TRAFD1: variants seen among roughly 807,000 people sequenced by gnomAD.
The protein encoded by TRAFD1 is TRAF-type zinc finger domain-containing protein 1.
Under a neutral mutation model 65.3 loss-of-function variants are expected in TRAFD1, and 38 were observed. The ratio of observed to expected loss-of-function variants is 0.58; its 90% CI spans 0.45 to 0.76. TRAFD1 has a LOEUF of 0.76. Ranked by LOEUF, TRAFD1 falls within the 30% of genes least tolerant of loss-of-function variation. The pLI is 0.00. For synonymous variants in TRAFD1, 223 were observed against 257.2 expected, an observed-to-expected ratio of 0.87 and a Z score of 1.27; for missense variants, 631 against 712.6, an observed-to-expected ratio of 0.89 and a Z score of 1.30.
intron 4 of TRAFD1, among the ~76,000 whole-genome samples, chr12:112,136,741 A>G (rs1224699960): frequency 6.6e-6 from 1 of 152,158 alleles, no homozygotes. Flanking sequence ...ATAGGCCTCT[A>G]TGCCTGACTA....
Position 112,152,765 on chromosome 12 carries a change from G to C in TRAFD1, c.1723G>C (p.Asp575His). 5 of 1,614,228 alleles carry C rather than the reference G, an allele frequency of 3.1e-6. No individual in the cohort carries two copies. Among genetic ancestry groups the C allele is most frequent in the Non-Finnish European group, 4.2e-6 (5 of 1,180,048 alleles). The change falls in exon 12 of 12, where the codon GAT becomes CAT. Residue 575 changes from aspartate (D) to histidine (H), a missense_variant. By Grantham distance (81) the Asp-to-His change is moderately conservative. Transcript: ENST00000412615. The surrounding 1 kb of genome is among the most constrained non-coding windows in gnomAD (Gnocchi z 5.0). ...GCCTTCCAAGCAACAGGGAGCTGGG[G>C]ATGCAGAAGAGGAAGAGGAGGAGTA... ...AKPSKQQGAGDAEEEEEE is the reference protein window; with the variant it reads ...AKPSKQQGAGHAEEEEEE
chr12:112,126,670 T>C, intron 1 of TRAFD1, among the ~76,000 whole-genome samples: 1 of 152,180 alleles, frequency 6.6e-6, no homozygotes, highest in East Asian at 1.9e-4. Context: ...TTTTTTTTTT[T>C]TTGAGATGGA....
intron 6 of TRAFD1, among the ~76,000 whole-genome samples, chr12:112,144,431 C>T (rs1038545793): frequency 8.6e-5 from 13 of 152,030 alleles, no homozygotes; most frequent in African/African-American, 1.2e-4. Flanking sequence ...CCACCATGCC[C>T]GCCTAATTTT....
At chr12:112,135,169 C>T (rs2079591401) in intron 4 of TRAFD1, 103 bp downstream of exon 4, 1 of 1,313,028 alleles carries the variant, frequency 7.6e-7, no homozygotes. Context: ...TCTCCGTGAG[C>T]TCACATGCAT....
Position 112,149,832 on chromosome 12 carries a change from A to C in TRAFD1, c.1240A>C (p.Thr414Pro). The change falls in exon 9 of 12, where the codon ACC becomes CCC. Residue 414 changes from threonine (T) to proline (P), a missense_variant. Transcript: ENST00000412615. Reference protein sequence around the residue: ...IPRLDSQPQETSPELPRRRVR... With the variant: ...IPRLDSQPQEPSPELPRRRVR... ...TAGACTGGATTCCCAGCCTCAAGAG[A>C]CCTCACCAGAGCTGCCCAGGAGGCG... is the stretch of plus-strand genomic sequence containing the variant. 1.2e-6 allele frequency: 2 copies of C among 1,614,134 alleles called. No individual in the cohort carries two copies. Among genetic ancestry groups the C allele is most frequent in the Non-Finnish European group, 1.7e-6 (2 of 1,180,010 alleles).
rs1435124611 is a variant in TRAFD1, at chr12:112,148,236, G to A, written c.1090G>A (p.Glu364Lys). The change falls in exon 8 of 12, where the codon GAG (glutamate) becomes AAG (lysine). Residue 364 changes from glutamate (E) to lysine (K), a missense_variant. Coordinates refer to ENST00000412615, the MANE Select transcript of TRAFD1 (RefSeq NM_006700.3). The part of the protein sequence containing the change: ...MGLSNSHPVE[E>K]SIIIPCEFCG... ...CCTGAGCAATTCACACCCTGTGGAGGAGAGCATCATTATCCCATGTGAATT... is the reference window on the plus strand; with the variant it reads ...CCTGAGCAATTCACACCCTGTGGAGAAGAGCATCATTATCCCATGTGAATT... 1 of 1,614,196 alleles carries A rather than the reference G, an allele frequency of 6.2e-7. No homozygotes were observed. The highest frequency in any genetic ancestry group is 1.7e-5 in the Admixed American group (1 of 60,020).
At position 112,153,010 on chromosome 12, in the gene TRAFD1, C is replaced by T; in HGVS notation, c.*219C>T. On this transcript the variant is annotated 3_prime_UTR_variant, in exon 12 of 12. Coordinates refer to ENST00000412615, the MANE Select transcript of TRAFD1 (RefSeq NM_006700.3). ...CGGTTGAGGAACGCTTCAGCCTTAG[C>T]TGCTACCTTTCGGCAGCAGTGAAAT... 2 of 513,820 alleles carry T rather than the reference C, an allele frequency of 3.9e-6. No homozygotes were observed. The highest frequency in any genetic ancestry group is 5.9e-5 in the South Asian group (2 of 33,872). The allele number at this position is 513,820 out of a possible 1,614,324, so 31.8% of individuals were successfully genotyped here.
chr12:112,151,803 G>C lies in TRAFD1; in HGVS notation c.1282G>C (p.Asp428His). The stretch of plus-strand genomic sequence containing the variant: ...CTGTTACCATTTTCTCTTCTCAGGA[G>C]ACCTGTCTTCTGGTTACCTGGATGA... ...LPRRRVRHQG[D>H]LSSGYLDDTK... is the part of the protein sequence containing the mutation. The change falls in exon 10 of 12, where the codon GAC becomes CAC. Residue 428 changes from aspartate (D) to histidine (H), a missense_variant and splice_region_variant. By Grantham distance (81) the Asp-to-His change is moderately conservative. Transcript: ENST00000412615. 1 of 1,611,368 alleles carries C rather than the reference G, an allele frequency of 6.2e-7. No individual in the cohort carries two copies. The highest frequency in any genetic ancestry group is 8.5e-7 in the Non-Finnish European group (1 of 1,177,864).
At chr12:112,149,173 A>G (rs952167737) in intron 8 of TRAFD1, among the ~76,000 whole-genome samples, 1 of 151,496 alleles carries the variant, frequency 6.6e-6, no homozygotes, top group African/African-American at 2.4e-5. Context: ...AGCCGAGATC[A>G]CACCACTGCA....
chr12:112,129,487 C>G (rs1160569052), intron 1 of TRAFD1, among the ~76,000 whole-genome samples: 3 of 151,938 alleles, frequency 2.0e-5, no homozygotes, highest in East Asian at 3.9e-4. Context: ...CAGGCATGAG[C>G]CCCTGTGCCT....
At chr12:112,140,727 T>C (rs1440707625) in intron 4 of TRAFD1, 92 bp from the exon 5 acceptor site, 26 of 1,432,166 alleles carry the variant, frequency 1.8e-5, no homozygotes, top group Non-Finnish European at 2.4e-5. Flanking sequence ...GAAGAGAAGA[T>C]TGCAGTAGAT....
At chr12:112,141,884 A>G (rs952667935) in intron 5 of TRAFD1, 1 of 567,158 alleles carries the variant, frequency 1.8e-6, no homozygotes, top group South Asian at 2.2e-5. Context: ...TAATACAGTT[A>G]GAATAATAAT....
intron 1 of TRAFD1, among the ~76,000 whole-genome samples, chr12:112,128,353 T>C (rs1338703841): frequency 6.6e-6 from 1 of 152,218 alleles, no homozygotes; most frequent in Non-Finnish European, 1.5e-5. Context: ...ACTAAATACA[T>C]GTTTTGAAAA....
chr12:112,127,521 G>A (rs1263147947), intron 1 of TRAFD1, among the ~76,000 whole-genome samples: 4 of 152,110 alleles, frequency 2.6e-5, no homozygotes, highest in Non-Finnish European at 5.9e-5. Flanking sequence ...GTGCAGTGGT[G>A]TGATCACAAC....
Position 112,152,468 on chromosome 12 carries a change from C to T in TRAFD1, c.1661C>T (p.Ala554Val), listed in dbSNP as rs765619913. The change falls in exon 11 of 12, where the codon GCA becomes GTA. Residue 554 changes from alanine to valine, a missense_variant. Coordinates refer to ENST00000412615, the MANE Select transcript of TRAFD1 (RefSeq NM_006700.3). This position sits in a 1 kb window ranked among gnomAD's most constrained non-coding sequence, Gnocchi z 5.0. ...EGGRNSRVTPAAANYRSRTAK... is the reference protein window; with the variant it reads ...EGGRNSRVTPVAANYRSRTAK... The stretch of plus-strand genomic sequence containing the variant: ...GGCAGGAATTCCCGGGTCACCCCTG[C>T]AGCTGCCAACTACCGCAGCAGAACT... 1 of 1,613,950 alleles carries T rather than the reference C, an allele frequency of 6.2e-7. No individual in the cohort carries two copies. Among genetic ancestry groups the T allele is most frequent in the South Asian group, 1.1e-5 (1 of 91,082 alleles).
chr12:112,140,762 C>T, intron 4 of TRAFD1, 57 bp from the exon 5 acceptor site: 4 of 1,590,228 alleles, frequency 2.5e-6, no homozygotes, highest in Non-Finnish European at 3.4e-6. Flanking sequence ...TTGCCCTATA[C>T]TAAAACACAC....
intron 7 of TRAFD1, among the ~76,000 whole-genome samples, chr12:112,146,026 G>A (rs1030920097): frequency 2.0e-5 from 3 of 147,906 alleles, no homozygotes; most frequent in African/African-American, 7.5e-5. Context: ...TTGTGGGGTT[G>A]GGGGAGGGGG....
At chr12:112,138,269 G>A (rs1234309799) in intron 4 of TRAFD1, among the ~76,000 whole-genome samples, 1 of 152,076 alleles carries the variant, frequency 6.6e-6, no homozygotes, top group Admixed American at 6.6e-5. Context: ...TAAAAAGGTA[G>A]GCCAGGCGCA....
intron 6 of TRAFD1, 144 bp downstream of exon 6, chr12:112,142,439 A>C (rs2030121764): frequency 1.0e-6 from 1 of 995,294 alleles, no homozygotes; most frequent in Middle Eastern, 3.3e-4. Context: ...CTTTTTTGGG[A>C]CAGTCTCGCC....
Sources: allele counts gnomAD v4.1 joint callset (sites outside exome capture counted in the v4.1 genomes callset), GRCh38; gene constraint gnomAD v4.1.1; non-coding constraint Gnocchi (gnomAD v3.1); transcripts MANE v1.5; gene names NCBI Gene and HGNC (gene_info 2026-07-23, HGNC 2026-07-21).